The following ABCA13 variants were observed in gnomAD, a reference collection of about 807,000 sequenced individuals.
The protein encoded by ABCA13 is ATP binding cassette subfamily A member 13.
ABCA13 carries 476 observed loss-of-function variants against 478.7 expected under a neutral mutation model. That is an observed-to-expected ratio of 0.99 (90% CI 0.92 to 1.07). The LOEUF is 1.07. Ranked by LOEUF, ABCA13 falls within the 50% of genes least tolerant of loss-of-function variation. The pLI, the probability that ABCA13 is intolerant of heterozygous loss-of-function variation, is 0.00. For synonymous variants in ABCA13, 2,252 were observed against 2,158.9 expected, an observed-to-expected ratio of 1.04 and a Z score of -1.20; for missense variants, 6,060 against 5,910.6, an observed-to-expected ratio of 1.03 and a Z score of -0.83.
intron 5 of ABCA13, among the ~76,000 whole-genome samples, chr7:48,223,953 G>C (rs1271338380): frequency 1.3e-4 from 17 of 133,124 alleles, no homozygotes; most frequent in African/African-American, 5.2e-4. Context: ...AGCAAGACTC[G>C]GTCTCAAAAA....
chr7:48,375,571 A>G (rs1813336754), intron 34 of ABCA13, among the ~76,000 whole-genome samples: 1 of 152,020 alleles, frequency 6.6e-6, no homozygotes, highest in Admixed American at 6.5e-5. Flanking sequence ...AAAATTCTAA[A>G]CCAGAACAGA....
At chr7:48,640,925 A>G (rs894529015) in intron 59 of ABCA13, among the ~76,000 whole-genome samples, 4 of 152,172 alleles carry the variant, frequency 2.6e-5, no homozygotes, top group Admixed American at 6.5e-5. Context: ...TGTTTCAGGC[A>G]TATTTTCTCT....
At chr7:48,431,497 C>T (rs1188402815) in intron 42 of ABCA13, among the ~76,000 whole-genome samples, 1 of 152,182 alleles carries the variant, frequency 6.6e-6, no homozygotes, top group Admixed American at 6.5e-5. Context: ...GTTCTATAGA[C>T]ATCTGTAATA....
intron 58 of ABCA13, among the ~76,000 whole-genome samples, chr7:48,596,593 G>A (rs187471112): frequency 2.0e-5 from 3 of 152,134 alleles, no homozygotes; most frequent in Admixed American, 1.3e-4. Flanking sequence ...GGCGGATCAC[G>A]AGGTCAGGAG....
intron 55 of ABCA13, among the ~76,000 whole-genome samples, chr7:48,543,375 G>C (rs141831111): frequency 6.6e-6 from 1 of 151,786 alleles, no homozygotes; most frequent in African/African-American, 2.4e-5. Context: ...TGTAATCCTA[G>C]CACTTTGGGA....
chr7:48,330,026 TATTTATCCATCC>T (rs1258294243), intron 27 of ABCA13, among the ~76,000 whole-genome samples: 2 of 124,830 alleles, frequency 1.6e-5, no homozygotes, highest in Non-Finnish European at 3.4e-5. Flanking sequence ...TCCATTGATC[TATTTATCCATCC>T]ATCCATCCAT....
intron 3 of ABCA13, among the ~76,000 whole-genome samples, chr7:48,208,642 TTC>T (rs1374167410): frequency 6.6e-6 from 1 of 152,172 alleles, no homozygotes; most frequent in Non-Finnish European, 1.5e-5. Flanking sequence ...CTATTGATTT[TTC>T]TTTGTTAATT....
chr7:48,201,696 G>C (rs187353811), intron 3 of ABCA13, among the ~76,000 whole-genome samples: 1 of 152,228 alleles, frequency 6.6e-6, no homozygotes. Flanking sequence ...CTCCAGCCTG[G>C]GCAACAGAAC....
intron 58 of ABCA13, chr7:48,612,058 G>A (rs1792079184): frequency 1.3e-5 from 2 of 152,116 alleles, no homozygotes; most frequent in South Asian, 4.1e-4. Context: ...CTAAATTCAT[G>A]TCAGTGGGCT....
chr7:48,637,632 T>C (rs1010116211), intron 59 of ABCA13, among the ~76,000 whole-genome samples: 1 of 152,074 alleles, frequency 6.6e-6, no homozygotes, highest in Admixed American at 6.6e-5. Context: ...CCTCACCACC[T>C]TGGAAACAAA....
intron 3 of ABCA13, among the ~76,000 whole-genome samples, chr7:48,201,120 A>C (rs1798638277): frequency 6.6e-6 from 1 of 152,068 alleles, no homozygotes; most frequent in African/African-American, 2.4e-5. Flanking sequence ...TGGGAGGGGG[A>C]GGAAGGGATG....
intron 55 of ABCA13, 49 bp downstream of exon 55, chr7:48,528,394 C>T (rs1833017525): frequency 1.0e-5 from 13 of 1,273,292 alleles, no homozygotes; most frequent in Non-Finnish European, 1.3e-5. Context: ...ATAATAAGCC[C>T]AGAGAACCCC....
Position 48,274,675 on chromosome 7 carries a change from T to C in ABCA13, c.5009T>C (p.Leu1670Pro). The C allele has an allele frequency of 6.2e-7, 1 of 1,613,996 alleles. No homozygotes were observed. The highest frequency in any genetic ancestry group is 8.5e-7 in the Non-Finnish European group (1 of 1,179,862). The change falls in exon 17 of 62, where the codon CTT becomes CCT. Residue 1670 changes from leucine to proline, a missense_variant. This residue lies in a region of ABCA13 where 4,423 missense variants were observed against 4,309.1 expected (regional missense o/e 1.03). Transcript: ENST00000435803. ...AAGGTAACTTCTGTCATGCGTACCC[T>C]TAAGAAGGCAGACATAGACCTTTTA... ...LKKVTSVMRT[L>P]KKADIDLLVD...
intron 27 of ABCA13, among the ~76,000 whole-genome samples, chr7:48,334,426 C>T (rs1481019048): frequency 6.6e-6 from 1 of 152,008 alleles, no homozygotes; most frequent in Non-Finnish European, 1.5e-5. Flanking sequence ...GCTCCACCTC[C>T]CGGGTTCATG....
chr7:48,547,989 T>C (rs1784972118), intron 55 of ABCA13, among the ~76,000 whole-genome samples: 2 of 151,918 alleles, frequency 1.3e-5, no homozygotes, highest in African/African-American at 4.8e-5. Flanking sequence ...TTACTTCCTG[T>C]TTGCTAACAC....
chr7:48,342,311 G>C (rs1807364663), intron 29 of ABCA13, among the ~76,000 whole-genome samples: 1 of 152,000 alleles, frequency 6.6e-6, no homozygotes, highest in Non-Finnish European at 1.5e-5. Flanking sequence ...CTGTCTCCTT[G>C]TTCCATCAGC....
chr7:48,352,093 C>CAACT lies in ABCA13; in HGVS notation c.10382-87_10382-84dup, dbSNP rs1809097892. ...GAGGGCTGTGAGTCTCAGGCTCCTG[C>CAACT]AACTTTTCCTGTCTCACCCAGTGTA... is the stretch of plus-strand genomic sequence containing the variant. On this transcript the variant is annotated intron_variant, in intron 30 of 61. Coordinates refer to ENST00000435803, the MANE Select transcript of ABCA13 (RefSeq NM_152701.5). 47 of 1,351,510 alleles carry CAACT rather than the reference C, an allele frequency of 3.5e-5. 1 individual carries two copies. In the East Asian group the frequency reaches 1.1e-3, roughly 31 times the overall value. The allele number at this position is 1,351,510 out of a possible 1,614,324, so 83.7% of individuals were successfully genotyped here.
In ABCA13 at chr7:48,287,940, C is replaced by A; in HGVS notation, c.8837-20C>A. The A allele has an allele frequency of 6.3e-7, 1 of 1,591,614 alleles. No individual in the cohort carries two copies. Among genetic ancestry groups the A allele is most frequent in the Non-Finnish European group, 8.6e-7 (1 of 1,159,836 alleles). The stretch of plus-strand genomic sequence containing the variant: ...AGAGGACTGTCTATTAATTATTTCT[C>A]TGTGTGTTTCCTCTGGCAGAAAACC... On this transcript the variant is annotated intron_variant, in intron 19 of 61. Transcript: ENST00000435803.
At position 48,522,850 on chromosome 7, in the gene ABCA13, G is replaced by A. The variant is rs191654000; in HGVS notation, c.14052-1398G>A. 2.4e-4 allele frequency among the ~76,000 whole-genome samples: 36 copies of A among 152,340 alleles called. No homozygotes were observed. In the East Asian group the frequency reaches 6.6e-3, roughly 28 times the overall value. On this transcript the variant is annotated intron_variant, in intron 53 of 61. Coordinates refer to ENST00000435803, the MANE Select transcript of ABCA13 (RefSeq NM_152701.5). ...CTCCTGAGGAGAGAATGAGCAAGCT[G>A]ATGTGGGTTACTGTGAATACTACTC...
Sources: gnomAD v4.1 joint callset for allele counts (sites outside exome capture counted in the v4.1 genomes callset) on GRCh38, gnomAD v4.1.1 for gene constraint, gnomAD v4.1.1 regional missense constraint, MANE v1.5 for transcripts, NCBI Gene and HGNC (gene_info 2026-07-23, HGNC 2026-07-21) for gene names.